NAV1: variants seen among roughly 807,000 people sequenced by gnomAD.
NAV1 encodes the protein pore membrane and/or filament interacting like protein 3.
Under a neutral mutation model 175.2 loss-of-function variants are expected in NAV1, and 18 were observed. That is an observed-to-expected ratio of 0.10 (90% CI 0.07 to 0.15). The LOEUF is 0.15. NAV1 is among the 10% of genes least tolerant of loss of function. The probability of loss-of-function intolerance (pLI) is 1.00; values close to 1 mark genes in which losing one functional copy is unlikely to be tolerated. For synonymous variants in NAV1, 897 were observed against 978.7 expected (o/e 0.92, Z 1.56); for missense variants, 1,731 against 2,436.6 (o/e 0.71, Z 6.10).
chr1:201,596,801 AGTTTGTTTGTTTTTTGTTT>A (rs1424490386), intron 2 of NAV1, among the ~76,000 whole-genome samples: 1 of 150,244 alleles, frequency 6.7e-6, no homozygotes, highest in East Asian at 1.9e-4. Flanking sequence ...TTGTTTTTTT[AGTTTGTTTGTTTTTTGTTT>A]GTTTGTTTGT....
In NAV1 at chr1:201,800,519, G is replaced by C. The variant is rs115497316; in HGVS notation, c.3518-3074G>C. Reference sequence around the variant, plus strand: ...TGGCTGCTTTCATGCTATAACAGCAGAACTGAGGAGTTGTGACCAAGACCC... The same window carrying C: ...TGGCTGCTTTCATGCTATAACAGCACAACTGAGGAGTTGTGACCAAGACCC... On this transcript the variant is annotated intron_variant, in intron 15 of 29. Transcript: ENST00000367296. 1.8e-3 allele frequency among the ~76,000 whole-genome samples: 268 copies of C among 152,242 alleles called. 6 individuals carry two copies. The highest frequency in any genetic ancestry group is 6.3e-3 in the African/African-American group (262 of 41,542).
chr1:201,813,780 G>A lies in NAV1; in HGVS notation c.5340+522G>A, dbSNP rs1432857721. Among the ~76,000 whole-genome samples, 1 of 152,172 alleles carries A rather than the reference G, an allele frequency of 6.6e-6. No individual in the cohort carries two copies. The highest frequency in any genetic ancestry group is 2.4e-5 in the African/African-American group (1 of 41,472). ...TTTTAAAAGTTAGAATAAGGAGACC[G>A]GGCGTGGTGGGTCATGCCTGTAATC... On this transcript the variant is annotated intron_variant, in intron 28 of 29. Transcript: ENST00000367296. This position sits in a 1 kb window ranked among gnomAD's most constrained non-coding sequence, Gnocchi z 4.2.
chr1:201,645,992 G>A (rs999927150), upstream of NAV1, among the ~76,000 whole-genome samples: 4 of 152,220 alleles, frequency 2.6e-5, no homozygotes, highest in Non-Finnish European at 4.4e-5. Flanking sequence ...CTGAAGGATG[G>A]GGTAGGAAGA....
At chr1:201,757,044 G>A (rs1327286805) in intron 3 of NAV1, among the ~76,000 whole-genome samples, 2 of 151,668 alleles carry the variant, frequency 1.3e-5, no homozygotes, top group African/African-American at 4.8e-5. Context: ...CTGTTATACG[G>A]ACCTATGCGG....
chr1:201,557,656 A>T (rs769113695), intron 1 of NAV1, among the ~76,000 whole-genome samples: 19 of 152,338 alleles, frequency 1.2e-4, no homozygotes, highest in Admixed American at 4.6e-4. Flanking sequence ...TTAACTGAGG[A>T]CCGGCTTGCC....
intron 2 of NAV1, among the ~76,000 whole-genome samples, chr1:201,714,025 C>G (rs1672029001): frequency 6.6e-6 from 1 of 152,206 alleles, no homozygotes; most frequent in South Asian, 2.1e-4. Context: ...CGCCCACTGC[C>G]TCAGCCTCCC....
rs552558396 is a variant in NAV1 at position 201,698,447 on chromosome 1, C to T, written c.758-14370C>T. ...AAGCCAGTGGCTGCTGGTCAGGGCA[C>T]AGCCCGGCATGATCTGGTGGATAAT... On this transcript the variant is annotated intron_variant, in intron 1 of 29. Coordinates refer to ENST00000367296, the Ensembl canonical transcript of NAV1. Among the ~76,000 whole-genome samples the T allele has an allele frequency of 7.2e-5, 11 of 152,352 alleles. No homozygotes were observed. The South Asian group carries it at 1.9e-3, about 26-fold the overall frequency.
At chr1:201,665,915 A>G (rs931152816) in intron 1 of NAV1, among the ~76,000 whole-genome samples, 3 of 151,850 alleles carry the variant, frequency 2.0e-5, no homozygotes, top group Admixed American at 6.6e-5. Context: ...AGATTTTGGG[A>G]TAGCAGTTTT....
chr1:201,766,708 G>A (rs990749008), intron 3 of NAV1, among the ~76,000 whole-genome samples: 1 of 152,160 alleles, frequency 6.6e-6, no homozygotes, highest in Non-Finnish European at 1.5e-5. Context: ...TGTAACTACT[G>A]TAGCAGCTAA....
At chr1:201,660,575 C>T (rs1040895041) in intron 1 of NAV1, among the ~76,000 whole-genome samples, 3 of 152,204 alleles carry the variant, frequency 2.0e-5, no homozygotes, top group African/African-American at 7.2e-5. Context: ...GCCATGCACT[C>T]CACAGATAGT....
chr1:201,821,814 G>A (rs1356894882), exon 30 of NAV1: 2 of 152,312 alleles, frequency 1.3e-5, no homozygotes, highest in South Asian at 2.1e-4. Flanking sequence ...AAAGCCCCGC[G>A]GGACCAGCTT....
chr1:201,701,422 A>G (rs1033806724), intron 1 of NAV1, among the ~76,000 whole-genome samples: 1 of 64,398 alleles, frequency 1.6e-5, no homozygotes, highest in African/African-American at 3.8e-5. Context: ...TAAAAAAAAT[A>G]AAAAAAGAAA....
upstream of NAV1, among the ~76,000 whole-genome samples, chr1:201,619,283 T>C (rs1217138170): frequency 6.6e-6 from 1 of 152,184 alleles, no homozygotes; most frequent in Non-Finnish European, 1.5e-5. Flanking sequence ...GCCCTAGCCA[T>C]AGGGACTGGG....
At chr1:201,620,488 T>TC (rs1292375058), upstream of NAV1, among the ~76,000 whole-genome samples, 1 of 133,226 alleles carries the variant, frequency 7.5e-6, no homozygotes. Flanking sequence ...AGACAGAGTC[T>TC]CGCTCTCTCG....
intron 2 of NAV1, among the ~76,000 whole-genome samples, chr1:201,596,228 C>T (rs776146107): frequency 6.6e-6 from 1 of 152,234 alleles, no homozygotes; most frequent in South Asian, 2.1e-4. Flanking sequence ...GTTATTATTT[C>T]TCTCTTGAGC....
At chr1:201,731,173 T>C (rs1260368399) in intron 3 of NAV1, among the ~76,000 whole-genome samples, 1 of 148,408 alleles carries the variant, frequency 6.7e-6, no homozygotes, top group Non-Finnish European at 1.5e-5. Flanking sequence ...CACGGGGGCA[T>C]GTGCGGTAGA....
intron 3 of NAV1, chr1:201,723,881 A>G (rs1359628265): frequency 6.6e-6 from 1 of 152,272 alleles, no homozygotes; most frequent in African/African-American, 2.4e-5. Flanking sequence ...GAAAAATAGA[A>G]TAAGGGTGTA....
rs1030249714 is a variant in NAV1 at position 201,812,959 on chromosome 1, T to A, written c.5222-181T>A. 2.0e-5 allele frequency among the ~76,000 whole-genome samples: 3 copies of A among 152,216 alleles called. No individual in the cohort carries two copies. The highest frequency in any genetic ancestry group is 4.4e-5 in the Non-Finnish European group (3 of 68,024). On this transcript the variant is annotated intron_variant, in intron 27 of 29. Coordinates refer to ENST00000367296, the Ensembl canonical transcript of NAV1. The surrounding 1 kb of genome is among the most constrained non-coding windows in gnomAD (Gnocchi z 4.6). ...ACTCCCTTATCTCACTTCTACCTTG[T>A]GAAGCAGGACTTATGAGATTGCCAT... is the stretch of plus-strand genomic sequence containing the variant.
chr1:201,608,944 A>T (rs765442273), intron 2 of NAV1, among the ~76,000 whole-genome samples: 1 of 152,194 alleles, frequency 6.6e-6, no homozygotes, highest in South Asian at 2.1e-4. Flanking sequence ...GGACAGGGGA[A>T]CTCAGCTTTG....
Sources: allele counts gnomAD v4.1 joint callset (sites outside exome capture counted in the v4.1 genomes callset), GRCh38; gene constraint gnomAD v4.1.1; non-coding constraint Gnocchi (gnomAD v3.1); transcripts MANE v1.5; gene names NCBI Gene and HGNC (gene_info 2026-07-23, HGNC 2026-07-21).